DGLUCY: variants seen among roughly 807,000 people sequenced by gnomAD.
DGLUCY encodes D-glutamate cyclase, also known as D-glutamate cyclase, mitochondrial.
In DGLUCY, 58 loss-of-function variants were observed where a neutral mutation model predicts 58.5. The observed-to-expected ratio is 0.99, with a 90% CI of 0.80 to 1.23. The LOEUF is 1.23. Ranked by LOEUF, DGLUCY falls within the 50% of genes most tolerant of loss-of-function variation. The probability of loss-of-function intolerance (pLI) is 0.00; values close to 1 mark genes in which losing one functional copy is unlikely to be tolerated. For missense variants in DGLUCY, 779 were observed against 784.7 expected (o/e 0.99, Z 0.09); for synonymous variants, 325 against 314.1 (o/e 1.03, Z -0.37).
intron 8 of DGLUCY, among the ~76,000 whole-genome samples, chr14:91,188,620 G>C (rs1396846698): frequency 1.3e-5 from 2 of 152,154 alleles, no homozygotes; most frequent in Non-Finnish European, 2.9e-5. Context: ...GAGCCCGGGA[G>C]TTTGAGACCA....
At chr14:91,111,172 C>T (rs1336555821), upstream of DGLUCY, among the ~76,000 whole-genome samples, 1 of 146,792 alleles carries the variant, frequency 6.8e-6, no homozygotes, top group Non-Finnish European at 1.5e-5. Flanking sequence ...ATATGTTTGG[C>T]GAGGGCCCCT....
intron 3 of DGLUCY, among the ~76,000 whole-genome samples, chr14:91,163,282 C>T (rs1466892496): frequency 6.6e-6 from 1 of 151,964 alleles, no homozygotes; most frequent in Admixed American, 6.6e-5. Context: ...AAAAAAAATC[C>T]AGTTTGTTCT....
intron 13 of DGLUCY, among the ~76,000 whole-genome samples, chr14:91,218,551 C>T (rs8007093): frequency 0.058 from 8,858 of 151,806 alleles, 554 homozygotes; most frequent in African/African-American, 0.16. Flanking sequence ...TACAGGCGCG[C>T]ACCACCACAC....
intron 1 of DGLUCY, among the ~76,000 whole-genome samples, chr14:91,137,044 A>G (rs2046380923): frequency 6.6e-6 from 1 of 152,026 alleles, no homozygotes; most frequent in African/African-American, 2.4e-5. Context: ...AAAAATGGCC[A>G]GCTGTGTAGA....
At chr14:91,101,066 A>T (rs1343665197) in intron 1 of DGLUCY, among the ~76,000 whole-genome samples, 1 of 152,038 alleles carries the variant, frequency 6.6e-6, no homozygotes, top group African/African-American at 2.4e-5. Context: ...GCGAGACTCC[A>T]TCTCCAAAAA....
intron 11 of DGLUCY, among the ~76,000 whole-genome samples, chr14:91,202,363 G>A (rs2050625700): frequency 6.6e-6 from 1 of 152,168 alleles, no homozygotes; most frequent in African/African-American, 2.4e-5. Flanking sequence ...GTGGGTCTCA[G>A]GCCCTGGGGT....
Position 91,213,405 on chromosome 14 carries a change from A to G in DGLUCY, c.1565-2000A>G, listed in dbSNP as rs183281692. ...GGCTGAGATCATAACACTGCACTCC[A>G]GCATGGGCAACAGAGCAAGACTTGC... On this transcript the variant is annotated intron_variant, in intron 12 of 13. Coordinates refer to ENST00000256324, the MANE Select transcript of DGLUCY (RefSeq NM_001102368.3). 9.8e-4 allele frequency among the ~76,000 whole-genome samples: 149 copies of G among 152,308 alleles called. 1 individual carries two copies. Among genetic ancestry groups the G allele is most frequent in the Non-Finnish European group, 5.9e-5 (4 of 68,036 alleles).
At chr14:91,179,233 T>C (rs1295979175) in intron 7 of DGLUCY, among the ~76,000 whole-genome samples, 2 of 152,044 alleles carry the variant, frequency 1.3e-5, no homozygotes, top group Non-Finnish European at 2.9e-5. Context: ...AAGAGGTAAA[T>C]AGTATGGTAT....
chr14:91,188,961 C>G lies in DGLUCY; in HGVS notation c.986C>G (p.Ser329Cys). The change falls in exon 9 of 14, where the codon TCT (serine) becomes TGT (cysteine). Residue 329 changes from serine to cysteine, a missense_variant. Coordinates refer to ENST00000256324, the MANE Select transcript of DGLUCY (RefSeq NM_001102368.3). ...LLCKDELLKA[S>C]LSLSHARSVL... ...TGTAAAGATGAGCTGCTGAAGGCCT[C>G]TCTCTCGCTGTCCCATGCCCGCTCA... The G allele has an allele frequency of 6.2e-7, 1 of 1,614,228 alleles. No individual in the cohort carries two copies.
At chr14:91,169,234 C>T (rs903500570) in intron 4 of DGLUCY, among the ~76,000 whole-genome samples, 2 of 152,066 alleles carry the variant, frequency 1.3e-5, no homozygotes, top group Non-Finnish European at 2.9e-5. Context: ...AAAGAATAAG[C>T]TTGTAACCAA....
intron 5 of DGLUCY, 92 bp downstream of exon 5, chr14:91,170,293 G>A (rs2048507725): frequency 7.2e-7 from 1 of 1,381,370 alleles, no homozygotes; most frequent in Non-Finnish European, 9.8e-7. Flanking sequence ...CATGGGCACG[G>A]GAGGTGGAAA....
intron 1 of DGLUCY, among the ~76,000 whole-genome samples, chr14:91,071,667 A>G (rs1262933760): frequency 6.6e-6 from 1 of 151,730 alleles, no homozygotes; most frequent in East Asian, 2.0e-4. Flanking sequence ...CAGGAGTTTG[A>G]GACCAGCCTG....
At chr14:91,062,729 G>A (rs984046793) in intron 1 of DGLUCY, among the ~76,000 whole-genome samples, 5 of 151,424 alleles carry the variant, frequency 3.3e-5, no homozygotes, top group Non-Finnish European at 4.4e-5. Context: ...CAGAAGCCTT[G>A]CAAGTTCCTT....
At chr14:91,177,741 C>T (rs954986999) in intron 7 of DGLUCY, among the ~76,000 whole-genome samples, 13 of 152,222 alleles carry the variant, frequency 8.5e-5, no homozygotes, top group African/African-American at 2.4e-4. Flanking sequence ...TGGCCTCATG[C>T]GAGGGAAAGA....
At chr14:91,192,909 C>G (rs1222100911) in intron 9 of DGLUCY, among the ~76,000 whole-genome samples, 1 of 152,166 alleles carries the variant, frequency 6.6e-6, no homozygotes, top group Non-Finnish European at 1.5e-5. Context: ...TGAGGTGCGT[C>G]TATTAGACAC....
In DGLUCY at chr14:91,078,944, C is replaced by T. The variant is rs1188585373; in HGVS notation, c.-82+18240C>T. 6.6e-5 allele frequency among the ~76,000 whole-genome samples: 10 copies of T among 150,828 alleles called. No homozygotes were observed. In the South Asian group the frequency reaches 1.3e-3, roughly 19 times the overall value. On this transcript the variant is annotated intron_variant, in intron 1 of 4. Coordinates refer to the DGLUCY transcript ENST00000521334. ...TTTGAGACAGAATCTCACTCGGTCA[C>T]CCAGGCTGGAATGCAGTGGCATGAT...
At chr14:91,188,046 G>A (rs539683908) in intron 8 of DGLUCY, among the ~76,000 whole-genome samples, 2 of 152,168 alleles carry the variant, frequency 1.3e-5, no homozygotes, top group South Asian at 4.2e-4. Context: ...TAACCTAGAA[G>A]CCCCGGGATG....
At chr14:91,224,545 G>A in intron 13 of DGLUCY, 139 bp from the exon 14 acceptor site, 8 of 903,408 alleles carry the variant, frequency 8.9e-6, no homozygotes, top group Non-Finnish European at 1.3e-5. Context: ...AATGGTATTA[G>A]TACTTTAAAC....
upstream of DGLUCY, among the ~76,000 whole-genome samples, chr14:91,104,095 C>T (rs1183936947): frequency 1.5e-5 from 1 of 65,790 alleles, no homozygotes; most frequent in Non-Finnish European, 2.8e-5. Flanking sequence ...CAGAGTCTTG[C>T]TCTGTTGCCC....
Sources: gnomAD v4.1 joint callset for allele counts (sites outside exome capture counted in the v4.1 genomes callset) on GRCh38, gnomAD v4.1.1 for gene constraint, MANE v1.5 for transcripts, NCBI Gene and HGNC (gene_info 2026-07-23, HGNC 2026-07-21) for gene names.